The following NDUFB3 variants were observed in gnomAD, a reference collection of about 807,000 sequenced individuals.
The protein encoded by NDUFB3 is NADH:ubiquinone oxidoreductase subunit B3.
NDUFB3 carries 7 observed loss-of-function variants against 9.0 expected under a neutral mutation model. The ratio of observed to expected loss-of-function variants is 0.78; its 90% CI spans 0.44 to 1.46. The LOEUF is 1.46. NDUFB3 is among the 40% of genes most tolerant of loss of function. The pLI, the probability that NDUFB3 is intolerant of heterozygous loss-of-function variation, is 0.01. For synonymous variants in NDUFB3, 29 were observed against 38.5 expected (o/e 0.75, Z 0.91); for missense variants, 93 against 115.4 (o/e 0.81, Z 0.89).
At chr2:201,083,128 AC>A in intron 2 of NDUFB3, among the ~76,000 whole-genome samples, 1 of 152,094 alleles carries the variant, frequency 6.6e-6, no homozygotes, top group African/African-American at 2.4e-5. Context: ...CAATCTGTAA[AC>A]TTTTTATTTC....
At chr2:201,079,323 T>C (rs1047622867) in intron 2 of NDUFB3, among the ~76,000 whole-genome samples, 1 of 152,088 alleles carries the variant, frequency 6.6e-6, no homozygotes, top group African/African-American at 2.4e-5. Context: ...TTTTGTGTTT[T>C]TAGTAGAGAC....
Position 201,081,809 on chromosome 2 carries a change from C to T in NDUFB3, c.140+2787C>T, listed in dbSNP as rs1485910138. On this transcript the variant is annotated intron_variant, in intron 2 of 2. Coordinates refer to ENST00000237889, the MANE Select transcript of NDUFB3 (RefSeq NM_002491.3). ...GATTACAGACGTGCACCACCACGCCCAGCTAATTTTTTTTTTTTTTTTTTG... is the reference window on the plus strand; with the variant it reads ...GATTACAGACGTGCACCACCACGCCTAGCTAATTTTTTTTTTTTTTTTTTG... Among the ~76,000 whole-genome samples, 29 of 148,410 alleles carry T rather than the reference C, an allele frequency of 2.0e-4. No individual in the cohort carries two copies. In the East Asian group the frequency reaches 5.4e-3, roughly 28 times the overall value.
intron 1 of NDUFB3, among the ~76,000 whole-genome samples, chr2:201,075,432 G>A (rs995739909): frequency 3.3e-5 from 5 of 151,668 alleles, no homozygotes; most frequent in African/African-American, 1.2e-4. Context: ...CAGGCGTGGT[G>A]GGGGGTTCCT....
chr2:201,072,527 A>G (rs1051913141), intron 1 of NDUFB3, among the ~76,000 whole-genome samples: 1 of 152,086 alleles, frequency 6.6e-6, no homozygotes, highest in Non-Finnish European at 1.5e-5. Flanking sequence ...ATACCAGCAC[A>G]TTTTCTTAGA....
chr2:201,079,643 A>G (rs941955532), intron 2 of NDUFB3, among the ~76,000 whole-genome samples: 2 of 151,948 alleles, frequency 1.3e-5, no homozygotes, highest in Admixed American at 1.3e-4. Context: ...GGGTTTTGCC[A>G]TGTTGCCCGG....
chr2:201,084,932 C>T (rs1426898507), intron 2 of NDUFB3, among the ~76,000 whole-genome samples: 1 of 152,134 alleles, frequency 6.6e-6, no homozygotes, highest in Non-Finnish European at 1.5e-5. Flanking sequence ...GTGTTACATA[C>T]TCCATACTCC....
At chr2:201,075,287 C>T (rs551177175) in intron 1 of NDUFB3, among the ~76,000 whole-genome samples, 2 of 151,800 alleles carry the variant, frequency 1.3e-5, no homozygotes, top group African/African-American at 2.4e-5. Flanking sequence ...TATATTTAGC[C>T]GGGCACCGTG....
chr2:201,077,378 T>G (rs2047175117), intron 1 of NDUFB3, among the ~76,000 whole-genome samples: 1 of 152,184 alleles, frequency 6.6e-6, no homozygotes, highest in African/African-American at 2.4e-5. Flanking sequence ...ATTTTTATAT[T>G]ATATATTAAA....
chr2:201,076,080 A>G (rs1326256121), intron 1 of NDUFB3, among the ~76,000 whole-genome samples: 6 of 152,222 alleles, frequency 3.9e-5, no homozygotes, highest in Non-Finnish European at 7.3e-5. Flanking sequence ...GAAGTCTGAC[A>G]CCATAATTTT....
rs11887691 is a variant in NDUFB3, at chr2:201,078,574, A to G, written c.-2-307A>G. Among the ~76,000 whole-genome samples, 4,695 of 152,304 alleles carry G rather than the reference A, an allele frequency of 0.031. 261 individuals carry two copies. The highest frequency in any genetic ancestry group is 0.11 in the African/African-American group (4,458 of 41,562). Reference sequence around the variant, plus strand: ...GAGGTATTGGAGTTAATACACATAAAGCATTTTAGCAAATGTTTACTATTA... The same window carrying G: ...GAGGTATTGGAGTTAATACACATAAGGCATTTTAGCAAATGTTTACTATTA... On this transcript the variant is annotated intron_variant, in intron 1 of 2. Coordinates refer to ENST00000237889, the MANE Select transcript of NDUFB3 (RefSeq NM_002491.3).
At chr2:201,082,230 A>G (rs1346659417) in intron 2 of NDUFB3, among the ~76,000 whole-genome samples, 1 of 151,974 alleles carries the variant, frequency 6.6e-6, no homozygotes, top group Non-Finnish European at 1.5e-5. Context: ...CTAGGATTAC[A>G]GGTTTGAGCC....
intron 1 of NDUFB3, chr2:201,072,422 G>A (rs371394482): frequency 2.0e-5 from 3 of 152,122 alleles, no homozygotes; most frequent in African/African-American, 7.2e-5. Flanking sequence ...TTTTTAATAC[G>A]AGGAAGTTAA....
intron 2 of NDUFB3, 31 bp from the exon 3 acceptor site, chr2:201,085,428 T>C (rs201335829): frequency 6.4e-7 from 1 of 1,556,602 alleles, no homozygotes; most frequent in Non-Finnish European, 8.7e-7. Flanking sequence ...ACGTTGTGTA[T>C]GATTATAATT....
In NDUFB3 at chr2:201,079,007, G is replaced by A; in HGVS notation, c.125G>A (p.Arg42Lys). 1 of 1,611,492 alleles carries A rather than the reference G, an allele frequency of 6.2e-7. No homozygotes were observed. Among genetic ancestry groups the A allele is most frequent in the Non-Finnish European group, 8.5e-7 (1 of 1,179,356 alleles). ...IQKKLAAKGL[R>K]DPWGRNEAWR... is the part of the protein sequence containing the mutation. ...AAGAAGCTGGCTGCAAAAGGGCTAA[G>A]GGATCCATGGGGCCGGTAAGATGAA... The change falls in exon 2 of 3, where the codon AGG (arginine) becomes AAG (lysine). Residue 42 changes from arginine to lysine, a missense_variant. Coordinates refer to ENST00000237889, the MANE Select transcript of NDUFB3 (RefSeq NM_002491.3).
At chr2:201,075,860 C>T (rs1210173362) in intron 1 of NDUFB3, among the ~76,000 whole-genome samples, 10 of 152,074 alleles carry the variant, frequency 6.6e-5, no homozygotes, top group Non-Finnish European at 1.3e-4. Context: ...TACTCTCTTC[C>T]AAATACACTG....
At position 201,083,457 on chromosome 2, in the gene NDUFB3, C is replaced by G. The variant is rs759900376; in HGVS notation, c.141-2002C>G. Reference sequence around the variant, plus strand: ...GCAACCTCTGCCTACCAGGTTCAAGCGATTCTCCTGCCTCTGCCTCCCGAA... The same window carrying G: ...GCAACCTCTGCCTACCAGGTTCAAGGGATTCTCCTGCCTCTGCCTCCCGAA... On this transcript the variant is annotated intron_variant, in intron 2 of 2. Coordinates refer to ENST00000237889, the MANE Select transcript of NDUFB3 (RefSeq NM_002491.3). Among the ~76,000 whole-genome samples the G allele has an allele frequency of 9.0e-4, 136 of 150,334 alleles. 1 individual carries two copies. The highest frequency in any genetic ancestry group is 1.4e-3 in the Non-Finnish European group (95 of 67,812).
At chr2:201,072,500 T>G (rs2125527256) in intron 1 of NDUFB3, 1 of 152,368 alleles carries the variant, frequency 6.6e-6, no homozygotes, top group African/African-American at 2.4e-5. Context: ...TCTTCTTATT[T>G]CTTTCTTAGG....
At chr2:201,078,293 C>T (rs1015948457) in intron 1 of NDUFB3, among the ~76,000 whole-genome samples, 1 of 151,746 alleles carries the variant, frequency 6.6e-6, no homozygotes, top group Non-Finnish European at 1.5e-5. Context: ...CAGAGCGAGA[C>T]GCCGTCTCAA....
chr2:201,073,163 A>G (rs796834845), intron 1 of NDUFB3, among the ~76,000 whole-genome samples: 16 of 152,192 alleles, frequency 1.1e-4, no homozygotes, highest in African/African-American at 3.9e-4. Context: ...GGTAACCATT[A>G]TCCTGACTTG....
Sources: gnomAD v4.1 joint callset for allele counts (sites outside exome capture counted in the v4.1 genomes callset) on GRCh38, gnomAD v4.1.1 for gene constraint, MANE v1.5 for transcripts, NCBI Gene and HGNC (gene_info 2026-07-23, HGNC 2026-07-21) for gene names.